Variants in PPP2R2C observed in about 807,000 individuals in gnomAD.
PPP2R2C encodes protein phosphatase 2 regulatory subunit Bgamma.
A neutral mutation model predicts 45.3 loss-of-function variants in PPP2R2C; 10 were observed. That is an observed-to-expected ratio of 0.22 (90% CI 0.14 to 0.37). The LOEUF (loss-of-function observed/expected upper bound fraction) is 0.37, where lower values mean the gene tolerates loss of function less well. Ranked by LOEUF, PPP2R2C falls within the 10% of genes least tolerant of loss-of-function variation. The probability of loss-of-function intolerance (pLI) is 1.00; values close to 1 mark genes in which losing one functional copy is unlikely to be tolerated. For missense variants in PPP2R2C, 308 were observed against 619.7 expected (o/e 0.50, Z 5.34); for synonymous variants, 257 against 245.4 (o/e 1.05, Z -0.44).
intron 2 of PPP2R2C, among the ~76,000 whole-genome samples, chr4:6,520,118 A>T (rs1723966653): frequency 6.6e-6 from 1 of 152,108 alleles, no homozygotes; most frequent in Non-Finnish European, 1.5e-5. Flanking sequence ...AGGTTAGACC[A>T]ATGGCTCTGG....
intron 2 of PPP2R2C, among the ~76,000 whole-genome samples, chr4:6,517,919 G>T (rs1723876994): frequency 6.6e-6 from 1 of 152,164 alleles, no homozygotes; most frequent in Non-Finnish European, 1.5e-5. Flanking sequence ...CTAATGACTT[G>T]TGCACAGTCC....
rs891490703 is a variant in PPP2R2C, at chr4:6,324,039, G to A, written c.1053-446C>T. Among the ~76,000 whole-genome samples the A allele has an allele frequency of 1.3e-5, 2 of 152,152 alleles. No individual in the cohort carries two copies. Among genetic ancestry groups the A allele is most frequent in the African/African-American group, 2.4e-5 (1 of 41,440 alleles). ...ACCTGCCTCTATTCCCCTGTATCTT[G>A]GGGTCTCTTATACCCCCTCACATGT... On this transcript the variant is annotated intron_variant, in intron 8 of 8. Transcript: ENST00000382599. The surrounding 1 kb of genome is among the most constrained non-coding windows in gnomAD (Gnocchi z 4.1).
rs573666049 is a variant in PPP2R2C, at chr4:6,485,587, T to C, written c.49+49684A>G. Among the ~76,000 whole-genome samples, 3 of 152,054 alleles carry C rather than the reference T, an allele frequency of 2.0e-5. No individual in the cohort carries two copies. In the South Asian group the frequency reaches 6.2e-4, roughly 32 times the overall value. On this transcript the variant is annotated intron_variant, in intron 2 of 9. Coordinates refer to the PPP2R2C transcript ENST00000506140. The stretch of plus-strand genomic sequence containing the variant: ...CTCAGGATATCTATTTCTTCTTCAG[T>C]AAGCTTTGGTAATTTGTGTCTTTCC...
chr4:6,346,528 C>T (rs1343381885), intron 6 of PPP2R2C, among the ~76,000 whole-genome samples: 2 of 152,192 alleles, frequency 1.3e-5, no homozygotes, highest in Admixed American at 1.3e-4. Flanking sequence ...CTGTCTGTCT[C>T]CCCCGCAGAC....
rs35392985 is a variant in PPP2R2C at position 6,483,113 on chromosome 4, GGATAGATA to G, written c.49+52150_49+52157del. ...GTAATTAGATGACTGATAGATAAAT[GGATAGATA>G]GATAGATAGATAGATAGATAGATTG... On this transcript the variant is annotated intron_variant, in intron 2 of 9. Transcript: ENST00000506140. Among the ~76,000 whole-genome samples the G allele has an allele frequency of 4.4e-3, 625 of 140,872 alleles. 5 individuals are homozygous for G. Among genetic ancestry groups the G allele is most frequent in the African/African-American group, 0.014 (529 of 38,554 alleles). 92.4% of individuals were successfully genotyped at this position (140,872 alleles called of 152,430 possible). A position where few individuals can be genotyped will look rare whatever the true frequency, so the allele number is the denominator to read the frequency against.
At chr4:6,361,903 T>C (rs1713775431) in intron 5 of PPP2R2C, among the ~76,000 whole-genome samples, 1 of 152,138 alleles carries the variant, frequency 6.6e-6, no homozygotes, top group Non-Finnish European at 1.5e-5. Context: ...GAGACACAGG[T>C]GCTCATGTCA....
chr4:6,463,126 T>C (rs1188908208), intron 1 of PPP2R2C, among the ~76,000 whole-genome samples: 1 of 152,250 alleles, frequency 6.6e-6, no homozygotes, highest in Non-Finnish European at 1.5e-5. Flanking sequence ...ATCATGATCA[T>C]GAAAGAGCTC....
intron 5 of PPP2R2C, among the ~76,000 whole-genome samples, chr4:6,352,565 T>G (rs1712669760): frequency 6.6e-6 from 1 of 152,172 alleles, no homozygotes; most frequent in African/African-American, 2.4e-5. Flanking sequence ...TTGTTTCCCT[T>G]CCAATCACAC....
chr4:6,442,768 G>C (rs1392055411), intron 1 of PPP2R2C, among the ~76,000 whole-genome samples: 2 of 152,188 alleles, frequency 1.3e-5, no homozygotes, highest in Non-Finnish European at 2.9e-5. Context: ...CTCACCCCAG[G>C]CCACACAGCT....
chr4:6,507,335 A>G (rs1166061796), intron 2 of PPP2R2C, among the ~76,000 whole-genome samples: 1 of 152,236 alleles, frequency 6.6e-6, no homozygotes, highest in Non-Finnish European at 1.5e-5. Context: ...AACATTGGGA[A>G]CATCAAGGCC....
intron 1 of PPP2R2C, among the ~76,000 whole-genome samples, chr4:6,413,676 G>C (rs571282421): frequency 2.6e-5 from 4 of 152,218 alleles, no homozygotes; most frequent in African/African-American, 4.8e-5. Context: ...TTCATGATGA[G>C]GGGAAAGCCC....
Position 6,534,509 on chromosome 4 carries a change from A to G in PPP2R2C, c.49+762T>C, listed in dbSNP as rs534604979. 8.6e-5 allele frequency among the ~76,000 whole-genome samples: 13 copies of G among 151,942 alleles called. 1 individual carries two copies. In the East Asian group the frequency reaches 2.5e-3, roughly 29 times the overall value. On this transcript the variant is annotated intron_variant, in intron 2 of 9. Coordinates refer to the PPP2R2C transcript ENST00000506140. ...CAACAGTCACACCAACACATACAGCACACATACATCAATAAACACATCAAT... is the reference window on the plus strand; with the variant it reads ...CAACAGTCACACCAACACATACAGCGCACATACATCAATAAACACATCAAT...
At chr4:6,405,138 G>A (rs1016045733) in intron 1 of PPP2R2C, among the ~76,000 whole-genome samples, 2 of 152,164 alleles carry the variant, frequency 1.3e-5, no homozygotes, top group African/African-American at 2.4e-5. Flanking sequence ...TATATCCATC[G>A]TCCCCTTTAA....
chr4:6,354,953 T>A (rs1339583495), intron 5 of PPP2R2C, among the ~76,000 whole-genome samples: 3 of 152,190 alleles, frequency 2.0e-5, no homozygotes, highest in Non-Finnish European at 4.4e-5. Flanking sequence ...GCCCTTCAGA[T>A]CCCTGCCTCA....
chr4:6,453,265 G>C (rs1041696121), intron 1 of PPP2R2C, among the ~76,000 whole-genome samples: 1 of 152,184 alleles, frequency 6.6e-6, no homozygotes, highest in Non-Finnish European at 1.5e-5. Flanking sequence ...GACACAGGAT[G>C]GTTGGCCCCA....
intron 2 of PPP2R2C, among the ~76,000 whole-genome samples, chr4:6,521,151 G>A (rs924820228): frequency 5.9e-5 from 9 of 152,302 alleles, no homozygotes; most frequent in African/African-American, 2.2e-4. Flanking sequence ...ACTCCAAGCC[G>A]GGTGCCCACC....
chr4:6,321,305 G>T lies in PPP2R2C; in HGVS notation c.*1997C>A, dbSNP rs1731537513. On this transcript the variant is annotated 3_prime_UTR_variant, in exon 9 of 9. Coordinates refer to ENST00000382599, the MANE Select transcript of PPP2R2C (RefSeq NM_020416.4). ...AGTAATGGGTAAGGCCCTCAGAGCT[G>T]GGTTTTGGCTTTAACACGCTATCTA... is the stretch of plus-strand genomic sequence containing the variant. 6.6e-6 allele frequency: 1 copy of T among 152,446 alleles called. No homozygotes were observed. The highest frequency in any genetic ancestry group is 2.1e-4 in the South Asian group (1 of 4,836). The allele number at this position is 152,446 out of a possible 1,614,324, so 9.4% of individuals were successfully genotyped here.
chr4:6,339,209 G>A (rs1194296729), intron 6 of PPP2R2C, among the ~76,000 whole-genome samples: 1 of 152,256 alleles, frequency 6.6e-6, no homozygotes, highest in Non-Finnish European at 1.5e-5. Context: ...CTTCTCCTGT[G>A]GCACTGGCAG....
intron 5 of PPP2R2C, among the ~76,000 whole-genome samples, chr4:6,354,366 C>G (rs1000954795): frequency 4.6e-5 from 7 of 152,100 alleles, no homozygotes; most frequent in Admixed American, 4.6e-4. Flanking sequence ...TAGTCTCTGC[C>G]TGAACACCAA....
Sources: gnomAD v4.1 joint callset for allele counts (sites outside exome capture counted in the v4.1 genomes callset) on GRCh38, gnomAD v4.1.1 for gene constraint, Gnocchi (gnomAD v3.1) non-coding constraint, MANE v1.5 for transcripts, NCBI Gene and HGNC (gene_info 2026-07-23, HGNC 2026-07-21) for gene names.